NCAM1: variants seen among roughly 807,000 people sequenced by gnomAD.
NCAM1 encodes the protein neural cell adhesion molecule 1.
In NCAM1, 14 loss-of-function variants were observed where a neutral mutation model predicts 109.8. The ratio of observed to expected loss-of-function variants is 0.13; its 90% confidence interval spans 0.08 to 0.20. The LOEUF is 0.20. Among genes scored for constraint, NCAM1 ranks in the 10% least tolerant of loss-of-function variants. The probability of loss-of-function intolerance (pLI) is 1.00; values close to 1 mark genes in which losing one functional copy is unlikely to be tolerated. For synonymous variants in NCAM1, 418 were observed against 442.9 expected (o/e 0.94, Z 0.70); for missense variants, 774 against 1,109.9 (o/e 0.70, Z 4.30).
chr11:113,261,270 C>T (rs1208276402), intron 17 of NCAM1, among the ~76,000 whole-genome samples: 2 of 152,086 alleles, frequency 1.3e-5, no homozygotes, highest in African/African-American at 4.8e-5. Context: ...CAGGAGGAGA[C>T]AGGCCAGAGG....
intron 1 of NCAM1, among the ~76,000 whole-genome samples, chr11:113,092,925 A>G (rs1486862105): frequency 6.6e-6 from 1 of 152,198 alleles, no homozygotes; most frequent in Non-Finnish European, 1.5e-5. Flanking sequence ...CTAGCATTAA[A>G]TGCTGAATAT....
intron 1 of NCAM1, among the ~76,000 whole-genome samples, chr11:113,174,777 A>C (rs375358884): frequency 5.9e-5 from 9 of 152,212 alleles, no homozygotes; most frequent in African/African-American, 2.2e-4. Flanking sequence ...GGTGGTGAAG[A>C]GCAGGAAGCA....
chr11:113,249,369 A>T (rs1555120827), intron 15 of NCAM1, among the ~76,000 whole-genome samples: 1 of 152,100 alleles, frequency 6.6e-6, no homozygotes, highest in Non-Finnish European at 1.5e-5. Context: ...TAGGGTAGAG[A>T]GTCAGTGGGA....
intron 1 of NCAM1, among the ~76,000 whole-genome samples, chr11:113,173,627 T>TATATATATATATAGATATA (rs1555106599): frequency 7.3e-6 from 1 of 137,768 alleles, no homozygotes; most frequent in Non-Finnish European, 1.6e-5. Context: ...TATATATATA[T>TATATATATATATAGATATA]TTTAGAGGGT....
intron 1 of NCAM1, among the ~76,000 whole-genome samples, chr11:113,026,465 CAG>C (rs1431782785): frequency 1.3e-5 from 2 of 152,142 alleles, no homozygotes; most frequent in African/African-American, 4.8e-5. Context: ...GGAGTGGTCA[CAG>C]AGGGGACATG....
intron 9 of NCAM1, among the ~76,000 whole-genome samples, chr11:113,222,620 A>G (rs1479389668): frequency 6.6e-6 from 1 of 152,188 alleles, no homozygotes; most frequent in Non-Finnish European, 1.5e-5. Flanking sequence ...GGGAAGAGAG[A>G]GAAGGGTTAA....
intron 1 of NCAM1, among the ~76,000 whole-genome samples, chr11:113,020,497 G>C (rs1384031260): frequency 2.6e-5 from 4 of 152,066 alleles, no homozygotes; most frequent in Admixed American, 1.3e-4. Flanking sequence ...CCTTTGAACT[G>C]TCCCTTATAT....
intron 15 of NCAM1, among the ~76,000 whole-genome samples, chr11:113,251,726 C>G (rs1945685807): frequency 6.6e-6 from 1 of 152,134 alleles, no homozygotes; most frequent in Non-Finnish European, 1.5e-5. Context: ...AATCGCAAAC[C>G]AACATTTACA....
chr11:113,272,879 C>G (rs1029323060), intron 19 of NCAM1: 3 of 456,092 alleles, frequency 6.6e-6, no homozygotes, highest in African/African-American at 6.0e-5. Context: ...CCTCGCTTCT[C>G]TGTCACGTCT....
intron 1 of NCAM1, among the ~76,000 whole-genome samples, chr11:112,965,114 A>T (rs1363625090): frequency 2.6e-5 from 4 of 152,174 alleles, no homozygotes; most frequent in South Asian, 2.1e-4. Flanking sequence ...ATAGCAGGAC[A>T]TATTCTTGTT....
chr11:112,971,977 A>G (rs1392076273), intron 1 of NCAM1, among the ~76,000 whole-genome samples: 2 of 152,168 alleles, frequency 1.3e-5, no homozygotes, highest in African/African-American at 4.8e-5. Flanking sequence ...TAAGGATAAA[A>G]GGGGCATAGC....
At chr11:113,057,148 G>A (rs1591289083) in intron 1 of NCAM1, among the ~76,000 whole-genome samples, 1 of 152,176 alleles carries the variant, frequency 6.6e-6, no homozygotes, top group South Asian at 2.1e-4. Flanking sequence ...TTCAGGTGGT[G>A]AAAGATGAAG....
chr11:113,227,555 A>G (rs1555116469), intron 9 of NCAM1, among the ~76,000 whole-genome samples: 1 of 152,174 alleles, frequency 6.6e-6, no homozygotes, highest in East Asian at 1.9e-4. Flanking sequence ...CAATAGAAAA[A>G]GAGGGAATCT....
intron 1 of NCAM1, among the ~76,000 whole-genome samples, chr11:113,015,360 AT>A (rs201689012): frequency 0.013 from 2,043 of 152,340 alleles, 22 homozygotes; most frequent in Non-Finnish European, 0.02. Flanking sequence ...CATAGACCTG[AT>A]TGACACATCT....
At chr11:113,232,449 T>C in intron 11 of NCAM1, 95 bp downstream of exon 11, 3 of 1,278,426 alleles carry the variant, frequency 2.3e-6, no homozygotes, top group South Asian at 1.5e-5. Flanking sequence ...CCTGCTTCTC[T>C]GGCACATCCT....
intron 9 of NCAM1, chr11:113,231,160 T>A: frequency 6.6e-7 from 1 of 1,515,872 alleles, no homozygotes; most frequent in Non-Finnish European, 8.8e-7. Flanking sequence ...TCTTTAATAA[T>A]TTCTTATGTT....
intron 1 of NCAM1, among the ~76,000 whole-genome samples, chr11:113,184,143 C>T (rs530808851): frequency 2.6e-5 from 4 of 152,238 alleles, no homozygotes; most frequent in Non-Finnish European, 5.9e-5. Flanking sequence ...AAAAATCAAT[C>T]AACAAGCATA....
intron 14 of NCAM1, among the ~76,000 whole-genome samples, chr11:113,245,875 T>A (rs1555120097): frequency 1.3e-5 from 2 of 152,260 alleles, no homozygotes; most frequent in Non-Finnish European, 2.9e-5. Context: ...TTCATTGCCC[T>A]TGTTTCCCAA....
At chr11:113,231,150 T>C in intron 9 of NCAM1, 1 of 1,497,944 alleles carries the variant, frequency 6.7e-7, no homozygotes, top group Non-Finnish European at 9.0e-7. Flanking sequence ...AATAAGGATT[T>C]CTTTAATAAT....
Sources: gnomAD v4.1 joint callset for allele counts (sites outside exome capture counted in the v4.1 genomes callset) on GRCh38, gnomAD v4.1.1 for gene constraint, MANE v1.5 for transcripts, NCBI Gene and HGNC (gene_info 2026-07-23, HGNC 2026-07-21) for gene names.